Variants in UGT1A9 observed in about 807,000 individuals in gnomAD.
UGT1A9 encodes UDP-glucuronosyltransferase 1A9.
UGT1A9 carries 35 observed loss-of-function variants against 45.0 expected under a neutral mutation model. The ratio of observed to expected loss-of-function variants is 0.78; its 90% CI spans 0.59 to 1.03. The LOEUF is 1.03. Ranked by LOEUF, UGT1A9 falls within the 50% of genes least tolerant of loss-of-function variation. UGT1A9 has a pLI of 0.00. For synonymous variants in UGT1A9, 278 were observed against 250.6 expected, an observed-to-expected ratio of 1.11 and a Z score of -1.03; for missense variants, 687 against 666.6, an observed-to-expected ratio of 1.03 and a Z score of -0.34.
intron 1 of UGT1A9, among the ~76,000 whole-genome samples, chr2:233,751,432 G>T (rs1313513130): frequency 6.6e-6 from 1 of 152,164 alleles, no homozygotes; most frequent in Non-Finnish European, 1.5e-5. Flanking sequence ...GCTGAAATGA[G>T]TTAAGACTTT....
intron 1 of UGT1A9, among the ~76,000 whole-genome samples, chr2:233,726,661 A>G (rs2077549730): frequency 1.3e-5 from 2 of 152,200 alleles, no homozygotes; most frequent in Admixed American, 6.5e-5. Flanking sequence ...TAATTTAATC[A>G]TATCTGTGAA....
intron 1 of UGT1A9, among the ~76,000 whole-genome samples, chr2:233,758,968 C>T (rs1224363949): frequency 6.6e-6 from 1 of 152,170 alleles, no homozygotes; most frequent in Non-Finnish European, 1.5e-5. Context: ...AATGCCTTTC[C>T]CCTGGATCTT....
chr2:233,698,203 C>T (rs1223732655), intron 1 of UGT1A9, among the ~76,000 whole-genome samples: 1 of 152,214 alleles, frequency 6.6e-6, no homozygotes, highest in South Asian at 2.1e-4. Context: ...TCAACATGCA[C>T]TTTTAATTAT....
chr2:233,754,883 G>A (rs762017567), intron 1 of UGT1A9: 29 of 1,351,538 alleles, frequency 2.1e-5, no homozygotes, highest in East Asian at 4.6e-5. Context: ...TGCTTCCCAG[G>A]GAGTTCCTCT....
At chr2:233,716,356 C>G (rs1029133275) in intron 1 of UGT1A9, among the ~76,000 whole-genome samples, 1 of 152,180 alleles carries the variant, frequency 6.6e-6, no homozygotes, top group Admixed American at 6.5e-5. Flanking sequence ...AATGTAGATA[C>G]TTTGTGGGGC....
At chr2:233,713,712 A>G (rs1296913167) in intron 1 of UGT1A9, 2 of 1,613,852 alleles carry the variant, frequency 1.2e-6, no homozygotes, top group East Asian at 2.2e-5. Flanking sequence ...GCTTTTTCAG[A>G]GAGAGGTGTC....
At chr2:233,677,688 T>C (rs1042423411) in intron 1 of UGT1A9, among the ~76,000 whole-genome samples, 2 of 152,016 alleles carry the variant, frequency 1.3e-5, no homozygotes, top group Non-Finnish European at 2.9e-5. Flanking sequence ...TAGATGCTGG[T>C]GAGGCTGCTG....
intron 1 of UGT1A9, among the ~76,000 whole-genome samples, chr2:233,718,202 T>C (rs918589370): frequency 1.3e-5 from 2 of 152,242 alleles, no homozygotes; most frequent in African/African-American, 4.8e-5. Context: ...CGGAGCTTTT[T>C]TTTATATTGA....
intron 1 of UGT1A9, among the ~76,000 whole-genome samples, chr2:233,692,675 G>T (rs932907325): frequency 6.6e-6 from 1 of 152,174 alleles, no homozygotes; most frequent in Non-Finnish European, 1.5e-5. Context: ...TAGAGAATTG[G>T]CAGGGGGTCC....
At position 233,767,137 on chromosome 2, in the gene UGT1A9, C is replaced by T. The variant is rs761316504; in HGVS notation, c.959C>T (p.Ala320Val). The T allele has an allele frequency of 3.1e-6, 5 of 1,614,108 alleles. No homozygotes were observed. The highest frequency in any genetic ancestry group is 1.7e-5 in the Admixed American group (1 of 60,028). Reference protein sequence around the residue: ...EIPEKKAMAIADALGKIPQTV... With the variant: ...EIPEKKAMAIVDALGKIPQTV... ...CCAGAGAAGAAAGCTATGGCAATTGCTGATGCTTTGGGCAAAATCCCTCAG... is the reference window on the plus strand; with the variant it reads ...CCAGAGAAGAAAGCTATGGCAATTGTTGATGCTTTGGGCAAAATCCCTCAG... The change falls in exon 2 of 5, where the codon GCT becomes GTT. Residue 320 changes from alanine (A) to valine (V), a missense_variant. Coordinates refer to ENST00000354728, the MANE Select transcript of UGT1A9 (RefSeq NM_021027.3).
chr2:233,687,498 TGAGGCACA>T (rs2074842350), intron 1 of UGT1A9, among the ~76,000 whole-genome samples: 2 of 147,610 alleles, frequency 1.4e-5, no homozygotes, highest in African/African-American at 5.0e-5. Context: ...ATGATGAAAC[TGAGGCACA>T]GAGGGGTTGA....
At chr2:233,772,033 A>T (rs33979061) in intron 4 of UGT1A9, among the ~76,000 whole-genome samples, 1 of 152,088 alleles carries the variant, frequency 6.6e-6, no homozygotes, top group Non-Finnish European at 1.5e-5. Flanking sequence ...GGATGGCTTG[A>T]GCCCAGGAGT....
intron 1 of UGT1A9, among the ~76,000 whole-genome samples, chr2:233,764,385 C>T (rs1299567681): frequency 6.6e-6 from 1 of 152,140 alleles, no homozygotes; most frequent in South Asian, 2.1e-4. Flanking sequence ...AGGAGTTGGC[C>T]GTGATGACAA....
At chr2:233,757,089 G>A (rs553473050) in intron 1 of UGT1A9, among the ~76,000 whole-genome samples, 2 of 151,514 alleles carry the variant, frequency 1.3e-5, no homozygotes, top group African/African-American at 4.8e-5. Flanking sequence ...AGGGTAAGAG[G>A]CAGAGGGAGG....
At chr2:233,699,749 C>G (rs1408864122) in intron 1 of UGT1A9, among the ~76,000 whole-genome samples, 1 of 152,124 alleles carries the variant, frequency 6.6e-6, no homozygotes, top group Non-Finnish European at 1.5e-5. Context: ...AAAACTAGAC[C>G]CCAGTTCCTC....
intron 1 of UGT1A9, among the ~76,000 whole-genome samples, chr2:233,686,986 A>G (rs2074815815): frequency 6.6e-6 from 1 of 152,154 alleles, no homozygotes. Flanking sequence ...TTGTACCCCA[A>G]GTCTTGGTTT....
chr2:233,744,535 T>A (rs2125863859), intron 1 of UGT1A9, among the ~76,000 whole-genome samples: 1 of 152,076 alleles, frequency 6.6e-6, no homozygotes, highest in East Asian at 1.9e-4. Flanking sequence ...TATTTTTATG[T>A]AAATTTTATT....
In UGT1A9 at chr2:233,749,593, A is replaced by G. The variant is rs751828786; in HGVS notation, c.856-17441A>G. Among the ~76,000 whole-genome samples the G allele has an allele frequency of 2.6e-5, 4 of 151,948 alleles. No individual in the cohort carries two copies. In the South Asian group the frequency reaches 8.3e-4, roughly 32 times the overall value. On this transcript the variant is annotated intron_variant, in intron 1 of 4. Coordinates refer to ENST00000354728, the MANE Select transcript of UGT1A9 (RefSeq NM_021027.3). ...GGCCACTGACTCTGTCTCAACATGA[A>G]GTCACACTAGATTTATCATGATTTG... is the stretch of plus-strand genomic sequence containing the variant.
chr2:233,693,870 G>T (rs1264402797), intron 1 of UGT1A9: 2 of 1,614,164 alleles, frequency 1.2e-6, no homozygotes, highest in East Asian at 4.5e-5. Context: ...TCTCAGGTTG[G>T]TGGGTTTATT....
Sources: gnomAD v4.1 joint callset for allele counts (sites outside exome capture counted in the v4.1 genomes callset) on GRCh38, gnomAD v4.1.1 for gene constraint, MANE v1.5 for transcripts, NCBI Gene and HGNC (gene_info 2026-07-23, HGNC 2026-07-21) for gene names.